Variants in EYA1 observed in about 807,000 individuals in gnomAD.
EYA1 encodes EYA transcriptional coactivator and phosphatase 1.
EYA1 carries 16 observed loss-of-function variants against 82.0 expected under a neutral mutation model. The ratio of observed to expected loss-of-function variants is 0.20; its 90% CI spans 0.13 to 0.30. The LOEUF (loss-of-function observed/expected upper bound fraction) is 0.30, where lower values mean the gene tolerates loss of function less well. EYA1 is among the 10% of genes least tolerant of loss of function. The probability of loss-of-function intolerance (pLI) is 1.00; values close to 1 mark genes in which losing one functional copy is unlikely to be tolerated. For missense variants in EYA1, 633 were observed against 730.7 expected (o/e 0.87, Z 1.54); for synonymous variants, 261 against 264.4 (o/e 0.99, Z 0.12).
At chr8:71,507,096 C>A (rs73293167) in intron 2 of EYA1, among the ~76,000 whole-genome samples, 2 of 152,244 alleles carry the variant, frequency 1.3e-5, no homozygotes, top group South Asian at 2.1e-4. Flanking sequence ...ATAGCCTAAA[C>A]GTACTATGTG....
intron 2 of EYA1, among the ~76,000 whole-genome samples, chr8:71,502,760 A>ACTAC (rs1383032353): frequency 6.6e-6 from 1 of 152,202 alleles, no homozygotes; most frequent in African/African-American, 2.4e-5. Context: ...AACAGCCTTG[A>ACTAC]CTACCACCCA....
intron 7 of EYA1, among the ~76,000 whole-genome samples, chr8:71,308,335 T>A (rs534948887): frequency 6.6e-6 from 1 of 152,336 alleles, no homozygotes; most frequent in African/African-American, 2.4e-5. Context: ...AACTCCGTTT[T>A]AGGCTAGTAA....
intron 3 of EYA1, among the ~76,000 whole-genome samples, chr8:71,338,782 T>C (rs549666081): frequency 3.7e-4 from 56 of 152,316 alleles, no homozygotes; most frequent in East Asian, 3.1e-3. Flanking sequence ...GTGTTACAAA[T>C]AATTCACGCT....
chr8:71,523,315 A>G (rs1194849163), intron 2 of EYA1, among the ~76,000 whole-genome samples: 1 of 151,402 alleles, frequency 6.6e-6, no homozygotes, highest in Non-Finnish European at 1.5e-5. Context: ...GGTAGCTGGG[A>G]CTACAGGCAC....
intron 2 of EYA1, among the ~76,000 whole-genome samples, chr8:71,380,353 G>A (rs1419635619): frequency 6.6e-6 from 1 of 152,162 alleles, no homozygotes; most frequent in Non-Finnish European, 1.5e-5. Context: ...GGAACTCCAC[G>A]TAGCTCATAG....
chr8:71,201,552 T>C (rs1807018353), intron 17 of EYA1, among the ~76,000 whole-genome samples: 2 of 152,186 alleles, frequency 1.3e-5, no homozygotes, highest in Non-Finnish European at 2.9e-5. Context: ...CAGAAATTCA[T>C]GTTGTAAAAT....
At chr8:71,495,175 A>G (rs980665194) in intron 2 of EYA1, among the ~76,000 whole-genome samples, 6 of 152,264 alleles carry the variant, frequency 3.9e-5, no homozygotes, top group African/African-American at 1.4e-4. Context: ...CTGCTATAAA[A>G]GATAATTCTT....
chr8:71,390,175 T>TA (rs1829195990), intron 2 of EYA1, among the ~76,000 whole-genome samples: 1 of 152,228 alleles, frequency 6.6e-6, no homozygotes, highest in African/African-American at 2.4e-5. Context: ...GTTCTTCTTT[T>TA]AATATACTAC....
At chr8:71,224,049 T>C (rs1206573478) in intron 12 of EYA1, among the ~76,000 whole-genome samples, 1 of 152,190 alleles carries the variant, frequency 6.6e-6, no homozygotes, top group Non-Finnish European at 1.5e-5. Context: ...ACACTGATGC[T>C]GTATACTTCT....
intron 2 of EYA1, among the ~76,000 whole-genome samples, chr8:71,370,388 A>T (rs1828010777): frequency 6.8e-6 from 1 of 148,118 alleles, no homozygotes; most frequent in African/African-American, 2.5e-5. Flanking sequence ...AGTATGTGCC[A>T]GGTACTATGG....
chr8:71,457,745 A>T (rs1374518823), intron 2 of EYA1, among the ~76,000 whole-genome samples: 1 of 152,130 alleles, frequency 6.6e-6, no homozygotes, highest in East Asian at 1.9e-4. Flanking sequence ...GGAACATCAC[A>T]CACAGGGGCC....
At chr8:71,519,498 T>A (rs984571178) in intron 2 of EYA1, among the ~76,000 whole-genome samples, 17 of 152,056 alleles carry the variant, frequency 1.1e-4, no homozygotes, top group African/African-American at 4.1e-4. Flanking sequence ...CCCCTCTAAG[T>A]TTTTTTAAGG....
At chr8:71,231,008 T>C (rs539935426) in intron 12 of EYA1, among the ~76,000 whole-genome samples, 1 of 152,320 alleles carries the variant, frequency 6.6e-6, no homozygotes, top group South Asian at 2.1e-4. Flanking sequence ...AGGTTCAATA[T>C]CTCAAATCTG....
At chr8:71,470,954 G>A (rs1809154985) in intron 2 of EYA1, 1 of 439,158 alleles carries the variant, frequency 2.3e-6, no homozygotes, top group African/African-American at 2.0e-5. Flanking sequence ...AAGGAAAAAG[G>A]GGAGAAAAAC....
At chr8:71,208,490 C>A (rs1808106494) in intron 17 of EYA1, among the ~76,000 whole-genome samples, 1 of 152,104 alleles carries the variant, frequency 6.6e-6, no homozygotes, top group African/African-American at 2.4e-5. Flanking sequence ...TAACTAAAAT[C>A]TTTTAACTAA....
chr8:71,392,010 C>T (rs1463811264), intron 2 of EYA1, among the ~76,000 whole-genome samples: 2 of 151,576 alleles, frequency 1.3e-5, no homozygotes, highest in Admixed American at 6.6e-5. Flanking sequence ...GCTGCAGCTC[C>T]TTGACTGGGG....
chr8:71,427,686 C>CA (rs990719665), intron 2 of EYA1, among the ~76,000 whole-genome samples: 1 of 151,806 alleles, frequency 6.6e-6, no homozygotes, highest in African/African-American at 2.4e-5. Context: ...TGCTGAAAAA[C>CA]AAAAAACAGG....
intron 3 of EYA1, among the ~76,000 whole-genome samples, chr8:71,345,527 T>C (rs933773568): frequency 4.6e-5 from 7 of 152,196 alleles, no homozygotes; most frequent in African/African-American, 1.7e-4. Context: ...TCAAAATGCA[T>C]ATGTTAGTTG....
intron 2 of EYA1, among the ~76,000 whole-genome samples, chr8:71,427,708 C>T (rs995594028): frequency 6.6e-6 from 1 of 152,170 alleles, no homozygotes; most frequent in African/African-American, 2.4e-5. Flanking sequence ...AAGGCTAGTG[C>T]ATCTCAAAAA....
Sources: allele counts gnomAD v4.1 joint callset (sites outside exome capture counted in the v4.1 genomes callset), GRCh38; gene constraint gnomAD v4.1.1; transcripts MANE v1.5; gene names NCBI Gene and HGNC (gene_info 2026-07-23, HGNC 2026-07-21).